Variants in EHD1 observed in about 807,000 individuals in gnomAD.
EHD1 encodes the protein EH domain containing 1.
In EHD1, 19 loss-of-function variants were observed where a neutral mutation model predicts 39.0. That is an observed-to-expected ratio of 0.49 (90% CI 0.34 to 0.72). EHD1 has a LOEUF of 0.72. Among genes scored for constraint, EHD1 ranks in the 30% least tolerant of loss-of-function variants. EHD1 has a pLI of 0.01. For missense variants in EHD1, 542 were observed against 751.5 expected, an observed-to-expected ratio of 0.72 and a Z score of 3.26; for synonymous variants, 323 against 331.2, an observed-to-expected ratio of 0.98 and a Z score of 0.27.
chr11:64,879,047 C>A, upstream of EHD1: 1 of 999,624 alleles, frequency 1.0e-6, no homozygotes, highest in Non-Finnish European at 1.2e-6. Flanking sequence ...GTGCGGTCCT[C>A]CAGCTGGCTC....
Position 64,878,255 on chromosome 11 carries a change from G to T in EHD1, c.210C>A (p.Gly70=), listed in dbSNP as rs1299716148. 1 of 1,614,170 alleles carries T rather than the reference G, an allele frequency of 6.2e-7. No homozygotes were observed. The highest frequency in any genetic ancestry group is 8.5e-7 in the Non-Finnish European group (1 of 1,180,024). The change falls in exon 1 of 5, where the codon GGC becomes GGA. Residue 70 remains glycine (G), a synonymous_variant. Transcript: ENST00000320631. ...TCAGGTGTCGGATGAAGGTGGTCTT[G>T]CCCGTGCTGTACTGCCCCACGAGGA... ...MVLLVGQYST[G]KTTFIRHLIE...
At chr11:64,878,000 G>GCTCCGAGTA in intron 1 of EHD1, 61 bp downstream of exon 1, 1 of 1,455,766 alleles carries the variant, frequency 6.9e-7, no homozygotes. Context: ...GGAGGGTCAG[G>GCTCCGAGTA]CTCCGAGTGA....
Position 64,852,778 on chromosome 11 carries a change from T to G in EHD1, c.*1555A>C, listed in dbSNP as rs1326519058. The G allele has an allele frequency of 6.6e-6, 1 of 152,644 alleles. No homozygotes were observed. Among genetic ancestry groups the G allele is most frequent in the Non-Finnish European group, 1.5e-5 (1 of 68,122 alleles). The allele number at this position is 152,644 out of a possible 1,614,324, so 9.5% of individuals were successfully genotyped here. Reference sequence around the variant, plus strand: ...AATGCAAGGAGAAAGTCTTCACTTCTCTTCCCACAGGTGTGAACAAGCCAC... The same window carrying G: ...AATGCAAGGAGAAAGTCTTCACTTCGCTTCCCACAGGTGTGAACAAGCCAC... On this transcript the variant is annotated 3_prime_UTR_variant, in exon 5 of 5. Transcript: ENST00000320631.
chr11:64,865,908 G>A (rs985799286), intron 2 of EHD1, among the ~76,000 whole-genome samples: 15 of 152,152 alleles, frequency 9.9e-5, no homozygotes, highest in African/African-American at 3.6e-4. Flanking sequence ...CGCTGCTGGT[G>A]GGAATGTAAA....
At position 64,854,509 on chromosome 11, in the gene EHD1, G is replaced by A. The variant is rs771446626; in HGVS notation, c.1429C>T (p.Pro477Ser). Reference sequence around the variant, plus strand: ...CAGATCTTCCCTAGCACGGTGTTGGGGAGCTTGGACTTCACCATCTCCTTC... The same window carrying A: ...CAGATCTTCCCTAGCACGGTGTTGGAGAGCTTGGACTTCACCATCTCCTTC... ...AKKEMVKSKL[P>S]NTVLGKIWKL... The change falls in exon 5 of 5, where the codon CCC becomes TCC. Residue 477 changes from proline (P) to serine (S), a missense_variant. Physicochemically the swap from Pro to Ser is moderately conservative, Grantham distance 74. Transcript: ENST00000320631. 4 of 1,614,038 alleles carry A rather than the reference G, an allele frequency of 2.5e-6. No individual in the cohort carries two copies. In the African/African-American group the frequency reaches 5.3e-5, roughly 22 times the overall value.
Position 64,854,834 on chromosome 11 carries a change from G to C in EHD1, c.1104C>G (p.Phe368Leu), listed in dbSNP as rs762102313. The change falls in exon 5 of 5, where the codon TTC (phenylalanine) becomes TTG (leucine). Residue 368 changes from phenylalanine (F) to leucine (L), a missense_variant. Physicochemically the swap from Phe to Leu is conservative, Grantham distance 22. Transcript: ENST00000320631. ...KMQELLQTQD[F>L]SKFQALKPKL... is the part of the protein sequence containing the mutation. ...TGGGCTTCAGCGCCTGGAACTTGCT[G>C]AAGTCCTGGGTCTGCAGGAGTTCCT... 5 of 1,599,770 alleles carry C rather than the reference G, an allele frequency of 3.1e-6. No individual in the cohort carries two copies. The East Asian group carries it at 8.9e-5, about 29-fold the overall frequency.
rs77956384 is a variant in EHD1 at position 64,852,403 on chromosome 11, C to T, written c.*1930G>A. 6.6e-6 allele frequency: 1 copy of T among 152,194 alleles called. No individual in the cohort carries two copies. The highest frequency in any genetic ancestry group is 2.4e-5 in the African/African-American group (1 of 41,406). 9.4% of individuals were successfully genotyped at this position (152,194 alleles called of 1,614,324 possible). On this transcript the variant is annotated 3_prime_UTR_variant, in exon 5 of 5. Coordinates refer to ENST00000320631, the MANE Select transcript of EHD1 (RefSeq NM_006795.4). Reference sequence around the variant, plus strand: ...AGTGCCGAGGGCCTGCAGGTGCCCACTCATCCGTCTGTGGCTGAGGGGTGC... The same window carrying T: ...AGTGCCGAGGGCCTGCAGGTGCCCATTCATCCGTCTGTGGCTGAGGGGTGC...
At chr11:64,865,294 A>G (rs2136487910) in intron 2 of EHD1, among the ~76,000 whole-genome samples, 1 of 152,346 alleles carries the variant, frequency 6.6e-6, no homozygotes, top group East Asian at 1.9e-4. Flanking sequence ...AGCCTAAAAG[A>G]CGCCGGGTTT....
At chr11:64,873,409 A>C (rs2136499156) in intron 2 of EHD1, among the ~76,000 whole-genome samples, 1 of 152,322 alleles carries the variant, frequency 6.6e-6, no homozygotes, top group African/African-American at 2.4e-5. Context: ...AACACAGACT[A>C]AAGCTAATAA....
In EHD1 at chr11:64,860,070, A is replaced by G. The variant is rs766603148; in HGVS notation, c.769T>C (p.Phe257Leu). Residue 257 changes from phenylalanine to leucine, a missense_variant, in exon 3 of 5, where the codon TTC becomes CTC. Physicochemically the swap from Phe to Leu is conservative, Grantham distance 22 (BLOSUM62 0). Coordinates refer to ENST00000320631, the MANE Select transcript of EHD1 (RefSeq NM_006795.4). ...PEVVRVYIGSFWSHPLLIPDN... is the reference protein window; with the variant it reads ...PEVVRVYIGSLWSHPLLIPDN... Reference sequence around the variant, plus strand: ...GGGATGAGGAGCGGGTGGGACCAGAAGGAGCCGATGTAGACCCTGACCACC... The same window carrying G: ...GGGATGAGGAGCGGGTGGGACCAGAGGGAGCCGATGTAGACCCTGACCACC... 1.2e-6 allele frequency: 2 copies of G among 1,614,154 alleles called. No individual in the cohort carries two copies. Among genetic ancestry groups the G allele is most frequent in the Non-Finnish European group, 1.7e-6 (2 of 1,180,034 alleles).
intron 1 of EHD1, chr11:64,877,713 C>G: frequency 3.9e-6 from 1 of 258,086 alleles, no homozygotes; most frequent in East Asian, 6.9e-5. Flanking sequence ...ATCCAGCCTG[C>G]GGGACGGAGG....
intron 3 of EHD1, among the ~76,000 whole-genome samples, chr11:64,857,542 G>A (rs1429788920): frequency 6.6e-6 from 1 of 152,230 alleles, no homozygotes; most frequent in Non-Finnish European, 1.5e-5. Context: ...GTTCAGGCCA[G>A]AATGAGAATT....
chr11:64,878,853 C>G (rs1943922416), upstream of EHD1: 6 of 1,101,404 alleles, frequency 5.4e-6, no homozygotes, highest in Non-Finnish European at 6.6e-6. Context: ...CCCCGCCCCT[C>G]GTAGGGAGGC....
At chr11:64,878,900 G>A (rs1943923328), upstream of EHD1, 1 of 1,035,700 alleles carries the variant, frequency 9.7e-7, no homozygotes, top group Non-Finnish European at 1.2e-6. Context: ...CGAGGAGCGG[G>A]CGTTCGGCGG....
At chr11:64,876,944 G>A (rs991622199) in intron 1 of EHD1, among the ~76,000 whole-genome samples, 5 of 152,248 alleles carry the variant, frequency 3.3e-5, no homozygotes, top group Non-Finnish European at 5.9e-5. Flanking sequence ...CCTGGAGTAG[G>A]CCTGGCCACC....
At chr11:64,856,750 G>A (rs1413948977) in intron 3 of EHD1, 2 of 152,364 alleles carry the variant, frequency 1.3e-5, no homozygotes, top group African/African-American at 4.8e-5. Flanking sequence ...GCAGATCCCA[G>A]GCCGGTGGGA....
In EHD1 at chr11:64,876,229, G is replaced by A. The variant is rs180884951; in HGVS notation, c.405-1711C>T. 1.8e-3 allele frequency among the ~76,000 whole-genome samples: 278 copies of A among 152,330 alleles called. 1 individual carries two copies. Among genetic ancestry groups the A allele is most frequent in the South Asian group, 8.3e-3 (40 of 4,824 alleles). On this transcript the variant is annotated intron_variant, in intron 1 of 4. Coordinates refer to ENST00000320631, the MANE Select transcript of EHD1 (RefSeq NM_006795.4). ...AGCAGCCACATAGGGGGAGAAGGCC[G>A]GCAAGTCAAGTTCACGACTCAATGA...
chr11:64,866,336 T>C (rs1478073336), intron 2 of EHD1, among the ~76,000 whole-genome samples: 21 of 152,018 alleles, frequency 1.4e-4, no homozygotes, highest in Non-Finnish European at 2.8e-4. Context: ...TGAGTACACA[T>C]GGCAACAAAG....
chr11:64,877,278 G>A (rs1297138026), intron 1 of EHD1, among the ~76,000 whole-genome samples: 1 of 152,174 alleles, frequency 6.6e-6, no homozygotes, highest in Non-Finnish European at 1.5e-5. Flanking sequence ...CAGAGTCCTG[G>A]AGCTCACTCT....
Sources: allele counts gnomAD v4.1 joint callset (sites outside exome capture counted in the v4.1 genomes callset), GRCh38; gene constraint gnomAD v4.1.1; transcripts MANE v1.5; gene names NCBI Gene and HGNC (gene_info 2026-07-23, HGNC 2026-07-21).